THSD7B: variants seen among roughly 807,000 people sequenced by gnomAD.
The protein encoded by THSD7B is thrombospondin type-1 domain-containing protein 7B.
In THSD7B, 138 loss-of-function variants were observed where a neutral mutation model predicts 213.6. The observed-to-expected ratio is 0.65, with a 90% CI of 0.56 to 0.74. THSD7B has a LOEUF of 0.74. THSD7B is among the 30% of genes least tolerant of loss of function. THSD7B has a pLI of 0.00. For missense variants in THSD7B, 1,931 were observed against 1,991.5 expected (o/e 0.97, Z 0.58); for synonymous variants, 742 against 687.0 (o/e 1.08, Z -1.25).
intron 7 of THSD7B, among the ~76,000 whole-genome samples, chr2:137,227,684 G>C (rs1429571326): frequency 6.6e-6 from 1 of 152,124 alleles, no homozygotes; most frequent in Non-Finnish European, 1.5e-5. Flanking sequence ...TTGGCTCTTA[G>C]ATGGTTTAGA....
At chr2:137,460,864 C>T (rs376814351) in intron 15 of THSD7B, among the ~76,000 whole-genome samples, 38 of 152,170 alleles carry the variant, frequency 2.5e-4, no homozygotes, top group African/African-American at 7.9e-4. Context: ...AAATCCTTCA[C>T]GGCCACCTTC....
In THSD7B at chr2:136,916,036, C is replaced by T. The variant is rs909175253; in HGVS notation, c.139+33719C>T. On this transcript the variant is annotated intron_variant, in intron 2 of 27. Transcript: ENST00000409968. Reference sequence around the variant, plus strand: ...AAAGAACTATACCAGCTTTCCCTAACGATTGCTTTCTTTCCCTAGTAATTG... The same window carrying T: ...AAAGAACTATACCAGCTTTCCCTAATGATTGCTTTCTTTCCCTAGTAATTG... Among the ~76,000 whole-genome samples, 7 of 152,202 alleles carry T rather than the reference C, an allele frequency of 4.6e-5. 1 individual carries two copies. In the South Asian group the frequency reaches 8.3e-4, roughly 18 times the overall value.
At chr2:137,017,350 C>A (rs1686361078) in intron 2 of THSD7B, among the ~76,000 whole-genome samples, 1 of 151,144 alleles carries the variant, frequency 6.6e-6, no homozygotes, top group Non-Finnish European at 1.5e-5. Context: ...GGGGATATAA[C>A]CAATTTGGGG....
intron 10 of THSD7B, 75 bp from the exon 11 acceptor site, chr2:137,272,458 T>C: frequency 7.0e-7 from 1 of 1,436,272 alleles, no homozygotes; most frequent in East Asian, 2.5e-5. Flanking sequence ...TCTCTTTTTT[T>C]TCAATTGCTA....
intron 2 of THSD7B, among the ~76,000 whole-genome samples, chr2:137,003,120 A>G: frequency 6.6e-6 from 1 of 152,192 alleles, no homozygotes; most frequent in East Asian, 1.9e-4. Context: ...TAATAAGGGT[A>G]TGATGACCTA....
chr2:136,795,596 A>G (rs980417309), intron 1 of THSD7B, among the ~76,000 whole-genome samples: 1 of 151,826 alleles, frequency 6.6e-6, no homozygotes, highest in Non-Finnish European at 1.5e-5. Context: ...TGTCATTTTT[A>G]TTATTCTGAC....
chr2:136,789,774 C>G (rs1311000123), intron 1 of THSD7B, among the ~76,000 whole-genome samples: 2 of 152,086 alleles, frequency 1.3e-5, no homozygotes, highest in Non-Finnish European at 2.9e-5. Context: ...GTTACAAAAA[C>G]TGATTTTGTT....
At chr2:137,565,499 C>G (rs895876279) in intron 16 of THSD7B, among the ~76,000 whole-genome samples, 11 of 152,140 alleles carry the variant, frequency 7.2e-5, no homozygotes, top group Non-Finnish European at 1.3e-4. Context: ...CATAAGAACT[C>G]AACACTAGAA....
chr2:137,624,114 T>C (rs564754030), intron 20 of THSD7B, among the ~76,000 whole-genome samples: 1 of 152,350 alleles, frequency 6.6e-6, no homozygotes, highest in African/African-American at 2.4e-5. Context: ...AGCATGGTAC[T>C]GGTACCAAAA....
At position 136,862,177 on chromosome 2, in the gene THSD7B, G is replaced by A. The variant is rs115263387; in HGVS notation, c.-35-19967G>A. Among the ~76,000 whole-genome samples, 475 of 152,290 alleles carry A rather than the reference G, an allele frequency of 3.1e-3. 4 individuals are homozygous for A. Among genetic ancestry groups the A allele is most frequent in the Non-Finnish European group, 5.7e-3 (388 of 68,024 alleles). On this transcript the variant is annotated intron_variant, in intron 1 of 27. Transcript: ENST00000409968. ...TAGGGGTGGGACTGTACAAAGTGTG[G>A]ATACCAGGAGGTGAGGATCAGTAGA...
chr2:137,566,088 T>C (rs979127351), intron 16 of THSD7B, among the ~76,000 whole-genome samples: 5 of 152,196 alleles, frequency 3.3e-5, no homozygotes, highest in Non-Finnish European at 7.3e-5. Context: ...GAATAGCTCA[T>C]CTGTTCTCTT....
chr2:136,929,023 G>T (rs898325559), intron 2 of THSD7B, among the ~76,000 whole-genome samples: 1 of 152,188 alleles, frequency 6.6e-6, no homozygotes, highest in Middle Eastern at 3.4e-3. Flanking sequence ...ACTTTAATTT[G>T]TACTCCTGCT....
rs571785116 is a variant in THSD7B at position 136,836,434 on chromosome 2, G to A, written c.-35-45710G>A. ...TAATTTCATATTGTCTAGTCCTGTG[G>A]CTAGCAGGGATGAGATTTATTAGTG... is the stretch of plus-strand genomic sequence containing the variant. On this transcript the variant is annotated intron_variant, in intron 1 of 27. Transcript: ENST00000409968. 2.6e-4 allele frequency among the ~76,000 whole-genome samples: 39 copies of A among 152,256 alleles called. No homozygotes were observed. In the South Asian group the frequency reaches 7.9e-3, roughly 31 times the overall value.
intron 14 of THSD7B, among the ~76,000 whole-genome samples, chr2:137,414,596 T>C (rs1686750735): frequency 6.6e-6 from 1 of 152,048 alleles, no homozygotes; most frequent in Admixed American, 6.6e-5. Flanking sequence ...CATGCATCTG[T>C]GGTCCCAACT....
chr2:137,331,281 C>T (rs534433858), intron 12 of THSD7B, among the ~76,000 whole-genome samples: 52 of 147,146 alleles, frequency 3.5e-4, no homozygotes, highest in African/African-American at 1.3e-3. Context: ...GATTGGTGCA[C>T]TCACAAACCC....
At chr2:137,521,328 GA>G (rs1352883160) in intron 15 of THSD7B, among the ~76,000 whole-genome samples, 2 of 152,186 alleles carry the variant, frequency 1.3e-5, no homozygotes, top group Admixed American at 1.3e-4. Flanking sequence ...TTGTAGTGGG[GA>G]GGGGGGGCTG....
intron 2 of THSD7B, among the ~76,000 whole-genome samples, chr2:136,988,021 G>T (rs2435391): frequency 7.3e-4 from 111 of 152,126 alleles, no homozygotes; most frequent in African/African-American, 2.6e-3. Flanking sequence ...AATATAATAT[G>T]CATTCCATAA....
chr2:137,183,929 C>G (rs1468836257), intron 7 of THSD7B, among the ~76,000 whole-genome samples: 1 of 152,136 alleles, frequency 6.6e-6, no homozygotes, highest in African/African-American at 2.4e-5. Flanking sequence ...CCTGTGTTCT[C>G]TAGCGGTTTT....
In THSD7B at chr2:137,657,058, C is replaced by T. The variant is rs1299803822; in HGVS notation, c.4280-7C>T. On this transcript the variant is annotated splice_polypyrimidine_tract_variant and splice_region_variant and intron_variant, in intron 23 of 27. Transcript: ENST00000409968. Reference sequence around the variant, plus strand: ...AATAGAACTGCTATTATCATATTTACTTACAGGAGGCAAATGTTATCACTA... The same window carrying T: ...AATAGAACTGCTATTATCATATTTATTTACAGGAGGCAAATGTTATCACTA... The T allele has an allele frequency of 6.2e-7, 1 of 1,613,846 alleles. No individual in the cohort carries two copies. Among genetic ancestry groups the T allele is most frequent in the South Asian group, 1.1e-5 (1 of 91,080 alleles).
Sources: allele counts gnomAD v4.1 joint callset (sites outside exome capture counted in the v4.1 genomes callset), GRCh38; gene constraint gnomAD v4.1.1; transcripts MANE v1.5; gene names NCBI Gene and HGNC (gene_info 2026-07-23, HGNC 2026-07-21).